IRAK1: variants seen among roughly 807,000 people sequenced by gnomAD.
IRAK1 encodes interleukin-1 receptor-associated kinase 1.
In IRAK1, 9 loss-of-function variants were observed where a neutral mutation model predicts 49.8. The ratio of observed to expected loss-of-function variants is 0.18; its 90% CI spans 0.11 to 0.32. The LOEUF (loss-of-function observed/expected upper bound fraction) is 0.32. Ranked by LOEUF, IRAK1 falls within the 10% of genes least tolerant of loss-of-function variation. The probability of loss-of-function intolerance (pLI) is 1.00; values close to 1 mark genes in which losing one functional copy is unlikely to be tolerated. For synonymous variants in IRAK1, 282 were observed against 270.8 expected (o/e 1.04, Z -0.41); for missense variants, 418 against 600.5 (o/e 0.70, Z 3.18).
chrX:154,018,048 G>A lies in IRAK1; in HGVS notation c.867C>T (p.Gly289=). The part of the protein sequence containing the change: ...AQNGFYCLVY[G]FLPNGSLEDR... Reference sequence around the variant, plus strand: ...CCTCCAGGGAGCCGTTGGGCAGGAAGCCGTACACCAGGCAGTAGAAGCCGT... The same window carrying A: ...CCTCCAGGGAGCCGTTGGGCAGGAAACCGTACACCAGGCAGTAGAAGCCGT... Residue 289 remains glycine (G), a synonymous_variant, in exon 7 of 14, where the codon GGC becomes GGT. Coordinates refer to ENST00000369980, the MANE Select transcript of IRAK1 (RefSeq NM_001569.4). The A allele has an allele frequency of 8.3e-7, 1 of 1,211,087 alleles. No homozygotes were observed. The highest frequency in any genetic ancestry group is 1.8e-5 in the South Asian group (1 of 57,020).
chrX:154,016,733 G>C (rs1190488758), intron 8 of IRAK1, 89 bp from the exon 9 acceptor site: 12 of 830,181 alleles, frequency 1.4e-5, no homozygotes, highest in Non-Finnish European at 2.1e-5. Flanking sequence ...CTGCCAGCCC[G>C]GTGCCTTGCC....
In IRAK1 at chrX:154,013,332, G is replaced by A. The variant is rs782393640; in HGVS notation, c.1641C>T (p.Tyr547=). 19 of 1,205,844 alleles carry A rather than the reference G, an allele frequency of 1.6e-5. No individual in the cohort carries two copies. Among genetic ancestry groups the A allele is most frequent in the Non-Finnish European group, 1.9e-5 (17 of 893,522 alleles). ...TGTGGGCTCTGCCAGTGCTGGACAC[G>A]TAGGAGTTCTCCTGCGGGGAAGGGG... ...CIPPSPQENS[Y]VSSTGRAHSG... Residue 547 remains tyrosine, a synonymous_variant, in exon 12 of 14, where the codon TAC becomes TAT. Coordinates refer to ENST00000369980, the MANE Select transcript of IRAK1 (RefSeq NM_001569.4).
rs1190042258 is a variant in IRAK1, at chrX:154,017,809, AAAAAAAAAAAAAAAAAAT to A, written c.909+179_909+196del. Among the ~76,000 whole-genome samples the A allele has an allele frequency of 1.1e-3, 103 of 95,562 alleles. 2 individuals are homozygous for A. Among genetic ancestry groups the A allele is most frequent in the African/African-American group, 3.7e-3 (98 of 26,469 alleles). 83.0% of individuals were successfully genotyped at this position (95,562 alleles called of 115,157 possible). A position where few individuals can be genotyped will look rare whatever the true frequency, so the allele number is the denominator to read the frequency against. The stretch of plus-strand genomic sequence containing the variant: ...AGACTCCACCTCAAAAAAAAAAAAA[AAAAAAAAAAAAAAAAAAT>A]TGACCCCACCGTGGGCCAAATCCTG... On this transcript the variant is annotated intron_variant, in intron 7 of 13. Coordinates refer to ENST00000369980, the MANE Select transcript of IRAK1 (RefSeq NM_001569.4).
chrX:154,019,615 G>A lies in IRAK1; in HGVS notation c.137-17C>T. On this transcript the variant is annotated splice_polypyrimidine_tract_variant and intron_variant, in intron 1 of 13. Transcript: ENST00000369980. ...TCAGGGCGGCTGCGGGGCGGGGGGC[G>A]TCAGGCGTCGGCGCCAGGAGCCCGC... 1.0e-6 allele frequency: 1 copy of A among 986,243 alleles called. No individual in the cohort carries two copies. The highest frequency in any genetic ancestry group is 1.3e-6 in the Non-Finnish European group (1 of 786,341). 81.3% of individuals were successfully genotyped at this position (986,243 alleles called of 1,213,427 possible). A position where few individuals can be genotyped will look rare whatever the true frequency, so the allele number is the denominator to read the frequency against.
At position 154,019,418 on chromosome X, in the gene IRAK1, G is replaced by A. The variant is rs782332868; in HGVS notation, c.304+13C>T. 1.8e-5 allele frequency: 20 copies of A among 1,111,677 alleles called. No individual in the cohort carries two copies. The highest frequency in any genetic ancestry group is 2.5e-4 in the Middle Eastern group (1 of 4,064). 91.6% of individuals were successfully genotyped at this position (1,111,677 alleles called of 1,213,427 possible). On this transcript the variant is annotated intron_variant, in intron 2 of 13. Transcript: ENST00000369980. Reference sequence around the variant, plus strand: ...GCCTCCCAGCCGTGGGGTGCCCGGAGTCCCGCGCTCACAGGCTGTGATGAT... The same window carrying A: ...GCCTCCCAGCCGTGGGGTGCCCGGAATCCCGCGCTCACAGGCTGTGATGAT...
chrX:154,015,698 TC>T (rs1557128959), intron 10 of IRAK1, among the ~76,000 whole-genome samples: 1 of 111,519 alleles, frequency 9.0e-6, no homozygotes, highest in East Asian at 2.8e-4. Flanking sequence ...AGGAGGTTCC[TC>T]GGGGCCTGCT....
At chrX:154,012,403 G>A in intron 13 of IRAK1, 126 bp downstream of exon 13, 1 of 774,657 alleles carries the variant, frequency 1.3e-6, no homozygotes, top group East Asian at 3.4e-5. Flanking sequence ...GGCTTCTAGA[G>A]GTCGCCAGAG....
At chrX:154,015,968 G>A in intron 10 of IRAK1, 64 bp downstream of exon 10, 2 of 971,382 alleles carry the variant, frequency 2.1e-6, no homozygotes, top group Non-Finnish European at 3.0e-6. Context: ...CCCCGCCACT[G>A]GGGCTGTGCC....
In IRAK1 at chrX:154,013,209, A is replaced by G; in HGVS notation, c.1764T>C (p.Ser588=). The change falls in exon 12 of 14, where the codon AGT becomes AGC. Residue 588 remains serine (S), a synonymous_variant. Coordinates refer to ENST00000369980, the MANE Select transcript of IRAK1 (RefSeq NM_001569.4). ...CAGAGAGGCCGCCTAGGCTCTCGTC[A>G]CTCTCCACGGGCTGGTTGGGGCCTC... is the stretch of plus-strand genomic sequence containing the variant. The part of the protein sequence containing the change: ...LQRGPNQPVE[S]DESLGGLSAA... 4 of 1,209,327 alleles carry G rather than the reference A, an allele frequency of 3.3e-6. No individual in the cohort carries two copies. Among genetic ancestry groups the G allele is most frequent in the Non-Finnish European group, 4.5e-6 (4 of 895,103 alleles).
At chrX:154,017,965 G>T in intron 7 of IRAK1, 41 bp downstream of exon 7, 1 of 1,009,820 alleles carries the variant, frequency 9.9e-7, no homozygotes, top group Middle Eastern at 2.6e-4. Context: ...TGTCAGGAGT[G>T]CTTTGGGTCC....
Position 154,011,830 on chromosome X carries a change from G to A in IRAK1, c.*29C>T. The A allele has an allele frequency of 8.4e-7, 1 of 1,194,768 alleles. No homozygotes were observed. Among genetic ancestry groups the A allele is most frequent in the Non-Finnish European group, 1.1e-6 (1 of 879,618 alleles). On this transcript the variant is annotated 3_prime_UTR_variant, in exon 14 of 14. Coordinates refer to ENST00000369980, the MANE Select transcript of IRAK1 (RefSeq NM_001569.4). Reference sequence around the variant, plus strand: ...CTGACCATGAGAACTTTGACTTCCGGATTTGGGGGATCTGCCCAGGTGAAC... The same window carrying A: ...CTGACCATGAGAACTTTGACTTCCGAATTTGGGGGATCTGCCCAGGTGAAC...
intron 4 of IRAK1, 24 bp downstream of exon 4, chrX:154,018,951 C>T (rs782776866): frequency 1.2e-5 from 14 of 1,122,434 alleles, no homozygotes; most frequent in Non-Finnish European, 1.6e-5. Flanking sequence ...CTCGAATCTT[C>T]CCTGGGGGGC....
Position 154,012,691 on chromosome X carries a change from T to C in IRAK1, c.1931-13A>G, listed in dbSNP as rs781980970. ...CCAAGGGCCAGTCCTGGGGTGGAGA[T>C]GGCACTCCCTTAGCCTCATGCTGTG... is the stretch of plus-strand genomic sequence containing the variant. On this transcript the variant is annotated splice_polypyrimidine_tract_variant and intron_variant, in intron 12 of 13. Transcript: ENST00000369980. 5.8e-6 allele frequency: 7 copies of C among 1,205,512 alleles called. No individual in the cohort carries two copies. The African/African-American group carries it at 8.7e-5, about 15-fold the overall frequency.
rs782525054 is a variant in IRAK1 at position 154,019,585 on chromosome X, C to T, written c.150G>A (p.Val50=). 2.1e-5 allele frequency: 23 copies of T among 1,114,103 alleles called. No individual in the cohort carries two copies. Among genetic ancestry groups the T allele is most frequent in the Non-Finnish European group, 2.6e-5 (22 of 853,216 alleles). The allele number at this position is 1,114,103 out of a possible 1,213,427, so 91.8% of individuals were successfully genotyped here. A position where few individuals can be genotyped will look rare whatever the true frequency, so the allele number is the denominator to read the frequency against. Residue 50 remains valine (V), a synonymous_variant, in exon 2 of 14, where the codon GTG becomes GTA. Transcript: ENST00000369980. ...ACAGCCGCAGCTCGGTCTGGTCGCG[C>T]ACGATCAGGGCGGCTGCGGGGCGGG... ...ADWCQFAALI[V]RDQTELRLCE... is the part of the protein sequence containing the mutation.
intron 12 of IRAK1, 86 bp from the exon 13 acceptor site, chrX:154,012,764 G>C: frequency 2.9e-6 from 3 of 1,026,823 alleles, no homozygotes; most frequent in Admixed American, 2.6e-5. Flanking sequence ...CCTCAGGCCT[G>C]AATTCCTCAG....
At chrX:154,018,566 C>G (rs2075595) in intron 5 of IRAK1, 33 bp downstream of exon 5, 1 of 1,131,923 alleles carries the variant, frequency 8.8e-7, no homozygotes, top group African/African-American at 1.8e-5. Context: ...ATCTGATGGC[C>G]TTCCAGGGTC....
At chrX:154,016,720 A>G in intron 8 of IRAK1, 76 bp from the exon 9 acceptor site, 5 of 903,662 alleles carry the variant, frequency 5.5e-6, no homozygotes, top group Non-Finnish European at 7.8e-6. Context: ...GCTGGACTCG[A>G]GGCTGCCAGC....
chrX:154,012,796 A>T (rs2065709315), intron 12 of IRAK1, 118 bp from the exon 13 acceptor site: 1 of 865,910 alleles, frequency 1.2e-6, no homozygotes, highest in African/African-American at 2.0e-5. Context: ...GGCAGGGCCC[A>T]GCTCTCAGGC....
chrX:154,010,623 C>T lies in IRAK1; in HGVS notation c.*1236G>A, dbSNP rs978946399. The stretch of plus-strand genomic sequence containing the variant: ...CAAAATCACTGTGAAGCCTGTGCTA[C>T]AGCCCTGGGCTACTTTTGGACACGC... On this transcript the variant is annotated 3_prime_UTR_variant, in exon 14 of 14. Coordinates refer to ENST00000369980, the MANE Select transcript of IRAK1 (RefSeq NM_001569.4). 5.5e-6 allele frequency: 1 copy of T among 180,780 alleles called. No individual in the cohort carries two copies. The highest frequency in any genetic ancestry group is 1.1e-5 in the Non-Finnish European group (1 of 93,072). 14.9% of individuals were successfully genotyped at this position (180,780 alleles called of 1,213,427 possible).
Sources: gnomAD v4.1 joint callset for allele counts (sites outside exome capture counted in the v4.1 genomes callset) on GRCh38, gnomAD v4.1.1 for gene constraint, MANE v1.5 for transcripts, NCBI Gene and HGNC (gene_info 2026-07-23, HGNC 2026-07-21) for gene names.